SGCD: variants seen among roughly 807,000 people sequenced by gnomAD.
SGCD encodes sarcoglycan delta.
A neutral mutation model predicts 36.6 loss-of-function variants in SGCD; 18 were observed. The ratio of observed to expected loss-of-function variants is 0.49; its 90% confidence interval spans 0.34 to 0.73. The LOEUF (loss-of-function observed/expected upper bound fraction) is 0.73, where lower values mean the gene tolerates loss of function less well. SGCD is among the 30% of genes least tolerant of loss of function. The probability of loss-of-function intolerance (pLI) is 0.01; values close to 1 mark genes in which losing one functional copy is unlikely to be tolerated. For missense variants in SGCD, 387 were observed against 346.7 expected, an observed-to-expected ratio of 1.12 and a Z score of -0.92; for synonymous variants, 133 against 130.6, an observed-to-expected ratio of 1.02 and a Z score of -0.12.
At chr5:156,583,300 C>T (rs58696526) in intron 4 of SGCD, among the ~76,000 whole-genome samples, 16,250 of 152,126 alleles carry the variant, frequency 0.11, 1,174 homozygotes, top group African/African-American at 0.2. Flanking sequence ...AATATTCACT[C>T]CCTTACCTCC....
chr5:156,528,981 T>C (rs950393595), intron 4 of SGCD, among the ~76,000 whole-genome samples: 8 of 152,166 alleles, frequency 5.3e-5, no homozygotes, highest in Non-Finnish European at 1.2e-4. Context: ...ATAAATTGCA[T>C]TTATGAGAAA....
chr5:156,095,122 C>G (rs1761343806), intron 1 of SGCD, among the ~76,000 whole-genome samples: 1 of 152,178 alleles, frequency 6.6e-6, no homozygotes, highest in Non-Finnish European at 1.5e-5. Context: ...GTTCCACAAG[C>G]CACCTCCTGA....
chr5:156,609,684 A>G (rs1761682114), intron 6 of SGCD, among the ~76,000 whole-genome samples: 1 of 152,218 alleles, frequency 6.6e-6, no homozygotes, highest in African/African-American at 2.4e-5. Context: ...AGGTACACCA[A>G]TCAGACATAG....
chr5:156,691,239 A>G (rs115270919), intron 7 of SGCD, among the ~76,000 whole-genome samples: 3,199 of 146,048 alleles, frequency 0.022, 69 homozygotes, highest in Middle Eastern at 0.047. Flanking sequence ...GAGAGACCCA[A>G]ACTTCCATTA....
intron 3 of SGCD, among the ~76,000 whole-genome samples, chr5:156,196,702 G>T (rs1360613608): frequency 6.6e-6 from 1 of 152,038 alleles, no homozygotes; most frequent in African/African-American, 2.4e-5. Flanking sequence ...TATAATGAGA[G>T]AAAAGAGCAA....
At chr5:156,303,896 C>T (rs754782295) in intron 3 of SGCD, among the ~76,000 whole-genome samples, 8 of 151,760 alleles carry the variant, frequency 5.3e-5, no homozygotes, top group Non-Finnish European at 8.8e-5. Flanking sequence ...GAAGGAGTCT[C>T]TTCTAGAAAT....
intron 3 of SGCD, among the ~76,000 whole-genome samples, chr5:156,364,017 G>A (rs926010781): frequency 1.3e-5 from 2 of 152,252 alleles, no homozygotes; most frequent in African/African-American, 4.8e-5. Flanking sequence ...TCAGTCACAA[G>A]TCCCACACCT....
At chr5:155,975,781 T>C (rs1202878029) in intron 1 of SGCD, among the ~76,000 whole-genome samples, 4 of 151,470 alleles carry the variant, frequency 2.6e-5, no homozygotes, top group African/African-American at 9.7e-5. Flanking sequence ...AGGCACCTGC[T>C]ACCATGGCTG....
intron 3 of SGCD, among the ~76,000 whole-genome samples, chr5:156,301,516 T>C (rs937648024): frequency 6.6e-6 from 1 of 152,142 alleles, no homozygotes; most frequent in African/African-American, 2.4e-5. Flanking sequence ...TTTCGTCTTT[T>C]CACTCAAGAT....
intron 6 of SGCD, among the ~76,000 whole-genome samples, chr5:156,620,279 T>C (rs1314021479): frequency 6.6e-6 from 1 of 152,186 alleles, no homozygotes; most frequent in Non-Finnish European, 1.5e-5. Flanking sequence ...GCCTGTTGTT[T>C]TCCTTCTACA....
At chr5:156,111,352 C>T (rs1425645949) in intron 1 of SGCD, among the ~76,000 whole-genome samples, 1 of 152,162 alleles carries the variant, frequency 6.6e-6, no homozygotes, top group African/African-American at 2.4e-5. Flanking sequence ...GGCCAGGTCT[C>T]AGATGACCTC....
At position 156,641,619 on chromosome 5, in the gene SGCD, A is replaced by G. The variant is rs554748630; in HGVS notation, c.503-5845A>G. Among the ~76,000 whole-genome samples, 342 of 152,366 alleles carry G rather than the reference A, an allele frequency of 2.2e-3. 1 individual carries two copies. The highest frequency in any genetic ancestry group is 7.4e-3 in the African/African-American group (309 of 41,594). Reference sequence around the variant, plus strand: ...AGGCAATTTCTATTGTGACTTAAATATCAAATACTAAAAAAGCTGGATATT... The same window carrying G: ...AGGCAATTTCTATTGTGACTTAAATGTCAAATACTAAAAAAGCTGGATATT... On this transcript the variant is annotated intron_variant, in intron 6 of 8. Transcript: ENST00000337851.
At chr5:156,144,666 A>C (rs1046105912) in intron 3 of SGCD, among the ~76,000 whole-genome samples, 1 of 151,848 alleles carries the variant, frequency 6.6e-6, no homozygotes, top group Non-Finnish European at 1.5e-5. Flanking sequence ...GGTTGCAAAA[A>C]TTTTCTCCCA....
At chr5:156,073,931 G>T (rs1303215436) in intron 1 of SGCD, among the ~76,000 whole-genome samples, 2 of 152,138 alleles carry the variant, frequency 1.3e-5, no homozygotes, top group Non-Finnish European at 2.9e-5. Flanking sequence ...AAAGCACTGG[G>T]GTGGAGAGGA....
At chr5:156,165,897 G>T (rs956489604) in intron 3 of SGCD, among the ~76,000 whole-genome samples, 1 of 152,208 alleles carries the variant, frequency 6.6e-6, no homozygotes, top group Non-Finnish European at 1.5e-5. Flanking sequence ...GTAGACTAGT[G>T]TGTCTTGCAA....
chr5:156,327,494 G>GT (rs1486704324), intron 1 of SGCD, among the ~76,000 whole-genome samples: 1 of 152,198 alleles, frequency 6.6e-6, no homozygotes, highest in African/African-American at 2.4e-5. Flanking sequence ...GTAAAGAGGA[G>GT]TATGTGAATT....
intron 7 of SGCD, among the ~76,000 whole-genome samples, chr5:156,671,873 C>A (rs1319047609): frequency 1.3e-5 from 2 of 152,032 alleles, no homozygotes; most frequent in Non-Finnish European, 2.9e-5. Flanking sequence ...ACAAGAGGAG[C>A]CAGCATGTCA....
chr5:156,674,365 C>T (rs1311484514), intron 7 of SGCD, among the ~76,000 whole-genome samples: 2 of 152,176 alleles, frequency 1.3e-5, no homozygotes, highest in Admixed American at 6.5e-5. Flanking sequence ...CATAATCCCC[C>T]GTCTTTGTGC....
At chr5:155,935,861 G>A (rs1461131712) in intron 1 of SGCD, among the ~76,000 whole-genome samples, 1 of 152,202 alleles carries the variant, frequency 6.6e-6, no homozygotes, top group African/African-American at 2.4e-5. Flanking sequence ...AGGGTGAGCG[G>A]AGTTGTCAGG....
Sources: allele counts gnomAD v4.1 joint callset (sites outside exome capture counted in the v4.1 genomes callset), GRCh38; gene constraint gnomAD v4.1.1; transcripts MANE v1.5; gene names NCBI Gene and HGNC (gene_info 2026-07-23, HGNC 2026-07-21).